The following SAMD4A variants were observed in gnomAD, a reference collection of about 807,000 sequenced individuals.
SAMD4A encodes sterile alpha motif domain containing 4A.
In SAMD4A, 33 loss-of-function variants were observed where a neutral mutation model predicts 81.3. That is an observed-to-expected ratio of 0.41 (90% CI 0.31 to 0.54). The LOEUF (loss-of-function observed/expected upper bound fraction) is 0.54, where lower values mean the gene tolerates loss of function less well. SAMD4A is among the 20% of genes least tolerant of loss of function. The pLI is 0.37. For synonymous variants in SAMD4A, 389 were observed against 382.1 expected (o/e 1.02, Z -0.21); for missense variants, 854 against 951.1 (o/e 0.90, Z 1.34).
In SAMD4A at chr14:54,666,021, A is replaced by C. The variant is rs8005830; in HGVS notation, c.197-36041A>C. Among the ~76,000 whole-genome samples, 285 of 152,282 alleles carry C rather than the reference A, an allele frequency of 1.9e-3. 1 individual carries two copies. The highest frequency in any genetic ancestry group is 6.5e-3 in the African/African-American group (269 of 41,562). ...AAATTGCTTCTATGTTGTTCAGGTA[A>C]AACCTAGTAAAAGAGAGACTTTTTG... On this transcript the variant is annotated intron_variant, in intron 2 of 12. Coordinates refer to ENST00000554335, the MANE Select transcript of SAMD4A (RefSeq NM_015589.6).
intron 2 of SAMD4A, among the ~76,000 whole-genome samples, chr14:54,592,111 G>C (rs2033793665): frequency 6.6e-6 from 1 of 152,004 alleles, no homozygotes; most frequent in Non-Finnish European, 1.5e-5. Flanking sequence ...TGGCAGCTGA[G>C]CGAGGTCATC....
chr14:54,726,885 G>A (rs896516113), intron 3 of SAMD4A, among the ~76,000 whole-genome samples: 8 of 152,128 alleles, frequency 5.3e-5, no homozygotes, highest in South Asian at 2.1e-4. Context: ...TTGTATTTAC[G>A]TGTACAGATA....
At chr14:54,575,488 ATCTT>A (rs1433462755) in intron 2 of SAMD4A, among the ~76,000 whole-genome samples, 1 of 152,136 alleles carries the variant, frequency 6.6e-6, no homozygotes, top group African/African-American at 2.4e-5. Context: ...AGCAAAGCAA[ATCTT>A]TCTTAGCTCT....
intron 2 of SAMD4A, among the ~76,000 whole-genome samples, chr14:54,575,494 C>G (rs2033263073): frequency 6.6e-6 from 1 of 152,308 alleles, no homozygotes; most frequent in South Asian, 2.1e-4. Context: ...GCAAATCTTT[C>G]TTAGCTCTGG....
intron 6 of SAMD4A, among the ~76,000 whole-genome samples, chr14:54,753,510 A>G (rs1284949662): frequency 6.6e-6 from 1 of 152,220 alleles, no homozygotes; most frequent in African/African-American, 2.4e-5. Flanking sequence ...AATTAACAAC[A>G]TCTCAGCAAA....
intron 2 of SAMD4A, among the ~76,000 whole-genome samples, chr14:54,652,506 C>T (rs919532764): frequency 6.6e-6 from 1 of 152,178 alleles, no homozygotes; most frequent in South Asian, 2.1e-4. Flanking sequence ...AATTATATTC[C>T]TTCTCTGCAG....
rs148459962 is a variant in SAMD4A at position 54,664,480 on chromosome 14, C to T, written c.197-37582C>T. Among the ~76,000 whole-genome samples the T allele has an allele frequency of 1.8e-3, 270 of 152,256 alleles. 2 individuals are homozygous for T. Among genetic ancestry groups the T allele is most frequent in the Middle Eastern group, 0.01 (3 of 294 alleles). On this transcript the variant is annotated intron_variant, in intron 2 of 12. Coordinates refer to ENST00000554335, the MANE Select transcript of SAMD4A (RefSeq NM_015589.6). ...GGCTGAGGAGCGCGCAGACACACAT[C>T]GCCCTTGACATGCTCATCGGGACAC...
chr14:54,783,229 TTC>T (rs1249446647), intron 11 of SAMD4A, among the ~76,000 whole-genome samples: 1 of 152,112 alleles, frequency 6.6e-6, no homozygotes, highest in East Asian at 1.9e-4. Context: ...TTCTTCTACT[TTC>T]TCTTTTTCTT....
At chr14:54,634,618 C>T (rs993230852) in intron 2 of SAMD4A, among the ~76,000 whole-genome samples, 6 of 152,038 alleles carry the variant, frequency 3.9e-5, no homozygotes, top group South Asian at 2.1e-4. Context: ...TGGTAATGGT[C>T]GCCCGCCGCT....
intron 3 of SAMD4A, among the ~76,000 whole-genome samples, chr14:54,731,001 A>G (rs898903181): frequency 1.3e-5 from 2 of 152,214 alleles, no homozygotes; most frequent in African/African-American, 2.4e-5. Flanking sequence ...TATTTATACA[A>G]GTGGTGTTAG....
intron 2 of SAMD4A, chr14:54,685,584 T>C: frequency 2.4e-6 from 1 of 425,406 alleles, no homozygotes; most frequent in Non-Finnish European, 4.7e-6. Context: ...TACTTGTTCG[T>C]AGATTTTTTT....
intron 2 of SAMD4A, among the ~76,000 whole-genome samples, chr14:54,586,778 G>A (rs1197275388): frequency 2.0e-5 from 3 of 152,086 alleles, no homozygotes; most frequent in Non-Finnish European, 4.4e-5. Flanking sequence ...TTGTTCCATT[G>A]GTCTAGTGCC....
intron 3 of SAMD4A, among the ~76,000 whole-genome samples, chr14:54,733,762 G>T (rs139260017): frequency 1.8e-4 from 28 of 152,086 alleles, no homozygotes; most frequent in African/African-American, 6.0e-4. Context: ...ACATGCTGGG[G>T]CAGCTAGCAC....
chr14:54,667,209 C>G (rs2035775921), intron 2 of SAMD4A, among the ~76,000 whole-genome samples: 1 of 152,184 alleles, frequency 6.6e-6, no homozygotes, highest in African/African-American at 2.4e-5. Context: ...GGGAGAGAAA[C>G]AGGTTTTCAA....
chr14:54,781,683 A>G (rs927342344), intron 11 of SAMD4A, among the ~76,000 whole-genome samples: 1 of 152,198 alleles, frequency 6.6e-6, no homozygotes, highest in South Asian at 2.1e-4. Context: ...GGGGCCTGGG[A>G]TAAATGAGAT....
At chr14:54,651,262 G>A (rs1259774854) in intron 2 of SAMD4A, among the ~76,000 whole-genome samples, 2 of 152,102 alleles carry the variant, frequency 1.3e-5, no homozygotes, top group East Asian at 1.9e-4. Flanking sequence ...CAGAAGAAAC[G>A]CATGGTTATG....
At chr14:54,779,252 C>T (rs1165223844) in intron 11 of SAMD4A, among the ~76,000 whole-genome samples, 3 of 152,210 alleles carry the variant, frequency 2.0e-5, no homozygotes, top group Non-Finnish European at 4.4e-5. Context: ...CAGCAAAAAT[C>T]AGGAAGTCAG....
intron 2 of SAMD4A, among the ~76,000 whole-genome samples, chr14:54,575,989 C>A (rs1160402356): frequency 2.0e-5 from 2 of 100,056 alleles, no homozygotes; most frequent in African/African-American, 4.0e-5. Context: ...GGAAAGATTT[C>A]TTTCTTTCTT....
intron 2 of SAMD4A, among the ~76,000 whole-genome samples, chr14:54,655,522 G>A (rs552284577): frequency 0.011 from 1,744 of 151,994 alleles, 24 homozygotes; most frequent in Middle Eastern, 0.02. Context: ...ACCTGAGGTC[G>A]GGAGTTCGAG....
Sources: gnomAD v4.1 joint callset for allele counts (sites outside exome capture counted in the v4.1 genomes callset) on GRCh38, gnomAD v4.1.1 for gene constraint, MANE v1.5 for transcripts, NCBI Gene and HGNC (gene_info 2026-07-23, HGNC 2026-07-21) for gene names.